HPS3: variants seen among roughly 807,000 people sequenced by gnomAD.
HPS3 encodes BLOC-2 complex member HPS3.
In HPS3, 79 loss-of-function variants were observed where a neutral mutation model predicts 110.9. The ratio of observed to expected loss-of-function variants is 0.71; its 90% CI spans 0.59 to 0.86. HPS3 has a LOEUF of 0.86. Among genes scored for constraint, HPS3 ranks in the 40% least tolerant of loss-of-function variants. HPS3 has a pLI of 0.00. For synonymous variants in HPS3, 428 were observed against 451.0 expected, an observed-to-expected ratio of 0.95 and a Z score of 0.65; for missense variants, 1,197 against 1,206.2, an observed-to-expected ratio of 0.99 and a Z score of 0.11.
At chr3:149,136,207 T>C (rs369545785) in intron 1 of HPS3, among the ~76,000 whole-genome samples, 1 of 28,210 alleles carries the variant, frequency 3.5e-5, no homozygotes, top group Admixed American at 2.6e-4. Context: ...TGTATATACA[T>C]ATATATATAC....
At chr3:149,151,645 A>ATTATTATG (rs1428067260) in intron 6 of HPS3, among the ~76,000 whole-genome samples, 1 of 148,222 alleles carries the variant, frequency 6.7e-6, no homozygotes. Context: ...AAATGTAGGC[A>ATTATTATG]TTATTATGTT....
At chr3:149,131,801 CAA>C (rs920324584) in intron 1 of HPS3, among the ~76,000 whole-genome samples, 2 of 152,174 alleles carry the variant, frequency 1.3e-5, no homozygotes, top group African/African-American at 4.8e-5. Flanking sequence ...CCTCTTGGAC[CAA>C]ACACTTAGCC....
In HPS3 at chr3:149,162,874, A is replaced by T. The variant is rs1724022575; in HGVS notation, c.2477A>T (p.Asp826Val). The change falls in exon 13 of 17, where the codon GAT becomes GTT. Residue 826 changes from aspartate (D) to valine (V), a missense_variant. Physicochemically the swap from Asp to Val is radical, Grantham distance 152. Transcript: ENST00000296051. The part of the protein sequence containing the change: ...PDTTPLRTSE[D>V]LINACSHYGL... Reference sequence around the variant, plus strand: ...ACCACACCATTGCGAACATCGGAGGATCTGGTAAGATAATGGAATAATACC... The same window carrying T: ...ACCACACCATTGCGAACATCGGAGGTTCTGGTAAGATAATGGAATAATACC... The T allele has an allele frequency of 3.7e-6, 6 of 1,612,232 alleles. No individual in the cohort carries two copies. The South Asian group carries it at 6.6e-5, about 18-fold the overall frequency.
chr3:149,141,586 T>G (rs1722474072), intron 4 of HPS3, among the ~76,000 whole-genome samples: 1 of 147,260 alleles, frequency 6.8e-6, no homozygotes, highest in African/African-American at 2.5e-5. Flanking sequence ...CAGTCTGGAG[T>G]GCAGTGGTGC....
At chr3:149,131,409 C>A (rs775827808) in intron 1 of HPS3, among the ~76,000 whole-genome samples, 1 of 152,120 alleles carries the variant, frequency 6.6e-6, no homozygotes, top group Non-Finnish European at 1.5e-5. Flanking sequence ...CACTACATGT[C>A]TCTTGAGTCA....
At position 149,155,186 on chromosome 3, in the gene HPS3, A is replaced by G. The variant is rs1204172323; in HGVS notation, c.1480A>G (p.Ile494Val). Residue 494 changes from isoleucine (I) to valine (V), a missense_variant, in exon 8 of 17, where the codon ATC becomes GTC. By Grantham distance (29) the Ile-to-Val change is conservative. Coordinates refer to ENST00000296051, the MANE Select transcript of HPS3 (RefSeq NM_032383.5). ...AGWNLYIVNT[I>V]SPVQLYKEMV... ...GTGGAATTTGTATATTGTGAATACG[A>G]TCTCACCAGTGCAGCTGTACAAAGA... The G allele has an allele frequency of 3.1e-6, 5 of 1,593,874 alleles. No homozygotes were observed. In the South Asian group the frequency reaches 4.4e-5, roughly 14 times the overall value.
intron 14 of HPS3, 103 bp from the exon 15 acceptor site, chr3:149,166,931 A>AT: frequency 1.1e-6 from 1 of 870,550 alleles, no homozygotes; most frequent in Non-Finnish European, 2.0e-6. Context: ...TTTCTATTTT[A>AT]TTTTTGGCAA....
In HPS3 at chr3:149,140,130, G is replaced by T. The variant is rs756718812; in HGVS notation, c.344G>T (p.Gly115Val). 1.9e-6 allele frequency: 3 copies of T among 1,613,826 alleles called. No homozygotes were observed. Among genetic ancestry groups the T allele is most frequent in the Non-Finnish European group, 2.5e-6 (3 of 1,179,814 alleles). The change falls in exon 2 of 17, where the codon GGA (glycine) becomes GTA (valine). Residue 115 changes from glycine to valine, a missense_variant. Coordinates refer to ENST00000296051, the MANE Select transcript of HPS3 (RefSeq NM_032383.5). Reference sequence around the variant, plus strand: ...CGAATGATTGGGCATAATGTGGAGGGACCATTCAGCAAAGCCTTCAGAGAC... The same window carrying T: ...CGAATGATTGGGCATAATGTGGAGGTACCATTCAGCAAAGCCTTCAGAGAC... ...CIRMIGHNVE[G>V]PFSKAFRDQM...
At chr3:149,141,267 C>G in intron 3 of HPS3, 28 bp from the exon 4 acceptor site, 1 of 1,603,726 alleles carries the variant, frequency 6.2e-7, no homozygotes, top group Non-Finnish European at 8.5e-7. Flanking sequence ...TTATATTTTT[C>G]CCTTTCTCTG....
chr3:149,154,329 A>G (rs1723308306), intron 7 of HPS3, among the ~76,000 whole-genome samples: 1 of 152,200 alleles, frequency 6.6e-6, no homozygotes. Flanking sequence ...TTTCATATCA[A>G]ACATGGGTTA....
At chr3:149,146,321 C>G (rs529561300) in intron 5 of HPS3, among the ~76,000 whole-genome samples, 35 of 152,136 alleles carry the variant, frequency 2.3e-4, no homozygotes, top group African/African-American at 8.4e-4. Flanking sequence ...AGGAGATTTG[C>G]GAAAAATGTC....
Position 149,141,207 on chromosome 3 carries a change from T to G in HPS3, c.884+19T>G, listed in dbSNP as rs757879257. The G allele has an allele frequency of 6.2e-7, 1 of 1,610,026 alleles. No individual in the cohort carries two copies. The highest frequency in any genetic ancestry group is 8.5e-7 in the Non-Finnish European group (1 of 1,177,646). ...TCTATAGGTATTATAGTGCTTTTTT[T>G]TTTTTTACCAGCATTTTATGTATAT... On this transcript the variant is annotated intron_variant, in intron 3 of 16. Transcript: ENST00000296051.
chr3:149,166,698 G>A (rs1033450544), intron 14 of HPS3, among the ~76,000 whole-genome samples: 2 of 152,110 alleles, frequency 1.3e-5, no homozygotes, highest in African/African-American at 4.8e-5. Flanking sequence ...AACATCATTG[G>A]ACGTAAATCT....
At chr3:149,133,284 T>TTTTTA (rs772900645) in intron 1 of HPS3, among the ~76,000 whole-genome samples, 70 of 152,112 alleles carry the variant, frequency 4.6e-4, no homozygotes, top group South Asian at 1.0e-3. Flanking sequence ...TTGTTTTATT[T>TTTTTA]TTTTATTTTA....
chr3:149,170,158 A>G (rs1156289698), intron 16 of HPS3, among the ~76,000 whole-genome samples: 1 of 152,202 alleles, frequency 6.6e-6, no homozygotes, highest in African/African-American at 2.4e-5. Flanking sequence ...ATTAATTTTT[A>G]AAGTACTCTG....
chr3:149,164,367 G>A (rs1255775874), intron 14 of HPS3, among the ~76,000 whole-genome samples: 1 of 152,130 alleles, frequency 6.6e-6, no homozygotes, highest in Non-Finnish European at 1.5e-5. Context: ...ATAGGAAACA[G>A]GTCAAAGTAG....
At position 149,165,379 on chromosome 3, in the gene HPS3, A is replaced by G. The variant is rs569928312; in HGVS notation, c.2589+1430A>G. On this transcript the variant is annotated intron_variant, in intron 14 of 16. Transcript: ENST00000296051. ...GATCTTTTAAAATTTGTTTTAAAATATTTTAAAAGGAAAATATTTGCTATT... is the reference window on the plus strand; with the variant it reads ...GATCTTTTAAAATTTGTTTTAAAATGTTTTAAAAGGAAAATATTTGCTATT... Among the ~76,000 whole-genome samples, 4 of 152,314 alleles carry G rather than the reference A, an allele frequency of 2.6e-5. No homozygotes were observed. The East Asian group carries it at 7.7e-4, about 29-fold the overall frequency.
intron 5 of HPS3, among the ~76,000 whole-genome samples, chr3:149,146,407 G>A (rs899317637): frequency 6.6e-6 from 1 of 152,214 alleles, no homozygotes; most frequent in Admixed American, 6.5e-5. Context: ...GGGAAGTTGT[G>A]GATAGCTGAT....
chr3:149,129,652 A>T lies in HPS3; in HGVS notation c.-72A>T. On this transcript the variant is annotated 5_prime_UTR_variant, in exon 1 of 17. Coordinates refer to ENST00000296051, the MANE Select transcript of HPS3 (RefSeq NM_032383.5). ...GGCTCGCTCGCGGAAGTAGTCCTAC[A>T]TTCGCGGTCAGCGCGGGGTCTCCGG... 2 of 1,206,828 alleles carry T rather than the reference A, an allele frequency of 1.7e-6. No homozygotes were observed. Among genetic ancestry groups the T allele is most frequent in the Non-Finnish European group, 2.2e-6 (2 of 893,638 alleles). The allele number at this position is 1,206,828 out of a possible 1,614,324, so 74.8% of individuals were successfully genotyped here.
Sources: gnomAD v4.1 joint callset for allele counts (sites outside exome capture counted in the v4.1 genomes callset) on GRCh38, gnomAD v4.1.1 for gene constraint, MANE v1.5 for transcripts, NCBI Gene and HGNC (gene_info 2026-07-23, HGNC 2026-07-21) for gene names.